The following BPI variants were observed in gnomAD, a reference collection of about 807,000 sequenced individuals.
BPI encodes bactericidal permeability increasing protein.
A neutral mutation model predicts 57.6 loss-of-function variants in BPI; 48 were observed. The observed-to-expected ratio is 0.83, with a 90% CI of 0.66 to 1.06. The LOEUF (loss-of-function observed/expected upper bound fraction) is 1.06. Ranked by LOEUF, BPI falls within the 50% of genes least tolerant of loss-of-function variation. The pLI is 0.00. For missense variants in BPI, 651 were observed against 609.7 expected, an observed-to-expected ratio of 1.07 and a Z score of -0.71; for synonymous variants, 237 against 238.2, an observed-to-expected ratio of 0.99 and a Z score of 0.05.
chr20:38,323,430 T>C (rs2076696527), intron 7 of BPI, among the ~76,000 whole-genome samples: 2 of 152,248 alleles, frequency 1.3e-5, no homozygotes, highest in Non-Finnish European at 2.9e-5. Context: ...TTTCCTCTTT[T>C]CCCATTTTGC....
Position 38,335,594 on chromosome 20 carries a change from A to C in BPI, c.1337-4A>C. The C allele has an allele frequency of 2.5e-6, 4 of 1,613,562 alleles. No individual in the cohort carries two copies. The highest frequency in any genetic ancestry group is 3.4e-6 in the Non-Finnish European group (4 of 1,179,566). On this transcript the variant is annotated splice_polypyrimidine_tract_variant and splice_region_variant and intron_variant, in intron 13 of 14. Transcript: ENST00000642449. ...CTGGTCCTCACCATCGGTCTCTGTCACAGAGAAACTACAGAAAGGCTTCCC... is the reference window on the plus strand; with the variant it reads ...CTGGTCCTCACCATCGGTCTCTGTCCCAGAGAAACTACAGAAAGGCTTCCC...
At position 38,323,856 on chromosome 20, in the gene BPI, G is replaced by T; in HGVS notation, c.757-14G>T. 6.2e-7 allele frequency: 1 copy of T among 1,612,418 alleles called. No individual in the cohort carries two copies. The highest frequency in any genetic ancestry group is 8.5e-7 in the Non-Finnish European group (1 of 1,179,154). Reference sequence around the variant, plus strand: ...GAAGAATATCTGGGCTCACTCTGTTGCCTCTACCCCCAGGGGGAGTTTTAC... The same window carrying T: ...GAAGAATATCTGGGCTCACTCTGTTTCCTCTACCCCCAGGGGGAGTTTTAC... On this transcript the variant is annotated splice_polypyrimidine_tract_variant and intron_variant, in intron 7 of 14. Transcript: ENST00000642449.
At chr20:38,314,219 GGTGATGGTA>G (rs2076638168) in intron 5 of BPI, among the ~76,000 whole-genome samples, 1 of 150,264 alleles carries the variant, frequency 6.7e-6, no homozygotes. Flanking sequence ...TGATGATGGT[GGTGATGGTA>G]ATGGTGGGGA....
chr20:38,311,379 A>G (rs2076621099), intron 4 of BPI, among the ~76,000 whole-genome samples: 1 of 152,276 alleles, frequency 6.6e-6, no homozygotes, highest in Admixed American at 6.5e-5. Flanking sequence ...AAGAATTAAG[A>G]AAAAGAGGTA....
chr20:38,331,385 T>G (rs991221699), intron 12 of BPI, among the ~76,000 whole-genome samples: 1 of 152,150 alleles, frequency 6.6e-6, no homozygotes, highest in Admixed American at 6.5e-5. Flanking sequence ...CACAATCTGG[T>G]AGAGAAAATC....
intron 1 of BPI, among the ~76,000 whole-genome samples, chr20:38,305,559 C>A (rs778754449): frequency 2.0e-5 from 3 of 152,178 alleles, no homozygotes; most frequent in Non-Finnish European, 4.4e-5. Flanking sequence ...AGATCCTGGC[C>A]ACTGCACATT....
chr20:38,323,737 G>A, intron 7 of BPI, 133 bp from the exon 8 acceptor site: 1 of 998,406 alleles, frequency 1.0e-6, no homozygotes, highest in Non-Finnish European at 1.4e-6. Context: ...TGATGCTACT[G>A]TTAGTTTCTG....
intron 5 of BPI, among the ~76,000 whole-genome samples, chr20:38,314,102 G>A (rs1600701370): frequency 6.8e-6 from 1 of 146,864 alleles, no homozygotes; most frequent in East Asian, 2.0e-4. Context: ...TGATGATGGT[G>A]GTGATGGTAA....
chr20:38,323,654 G>A (rs1461748402), intron 7 of BPI, among the ~76,000 whole-genome samples: 1 of 152,188 alleles, frequency 6.6e-6, no homozygotes, highest in Non-Finnish European at 1.5e-5. Context: ...TCTCCTATAA[G>A]ATGAGCATAA....
chr20:38,304,199 G>A lies in BPI; in HGVS notation c.-25G>A, dbSNP rs2076585776. ...TCAACCTCAAGGCCTTGAGGTTTTG[G>A]CAGCTCTGGAGGATGAGAGAGAACA... On this transcript the variant is annotated 5_prime_UTR_variant, in exon 1 of 15. Coordinates refer to ENST00000642449, the MANE Select transcript of BPI (RefSeq NM_001725.3). The A allele has an allele frequency of 4.3e-6, 7 of 1,613,978 alleles. No individual in the cohort carries two copies. The highest frequency in any genetic ancestry group is 5.9e-6 in the Non-Finnish European group (7 of 1,179,922).
chr20:38,313,722 T>C (rs1047095722), intron 5 of BPI, among the ~76,000 whole-genome samples: 7 of 151,706 alleles, frequency 4.6e-5, no homozygotes, highest in South Asian at 2.1e-4. Context: ...GGGATGATGG[T>C]GATGATGGTG....
intron 4 of BPI, 139 bp from the exon 5 acceptor site, chr20:38,311,735 G>A: frequency 4.2e-6 from 3 of 719,588 alleles, no homozygotes; most frequent in South Asian, 3.2e-5. Context: ...GATGGGGTGT[G>A]TGCAGTTAGA....
intron 5 of BPI, among the ~76,000 whole-genome samples, chr20:38,316,128 C>T (rs1363668008): frequency 1.3e-5 from 2 of 148,856 alleles, no homozygotes; most frequent in Non-Finnish European, 2.9e-5. Flanking sequence ...GCCACCACAC[C>T]CAGCTCTTCC....
At chr20:38,308,833 T>G in intron 2 of BPI, 97 bp from the exon 3 acceptor site, 1 of 1,480,604 alleles carries the variant, frequency 6.8e-7, no homozygotes, top group Non-Finnish European at 9.3e-7. Context: ...AAGGACCAGG[T>G]GGTGGGGGAC....
In BPI at chr20:38,323,945, G is replaced by T. The variant is rs772246737; in HGVS notation, c.832G>T (p.Asp278Tyr). Residue 278 changes from aspartate (D) to tyrosine (Y), a missense_variant, in exon 8 of 15, where the codon GAC (aspartate) becomes TAC (tyrosine). Physicochemically the swap from Asp to Tyr is radical, Grantham distance 160 (BLOSUM62 -3). Transcript: ENST00000642449. ...AGTGATGGAGTTTCCCGCTGCCCAT[G>T]ACCGCATGGTATACCTGGGCCTCTC... ...PPVMEFPAAH[D>Y]RMVYLGLSDY... 6 of 1,614,048 alleles carry T rather than the reference G, an allele frequency of 3.7e-6. No homozygotes were observed. The highest frequency in any genetic ancestry group is 5.1e-6 in the Non-Finnish European group (6 of 1,180,028).
intron 14 of BPI, 31 bp downstream of exon 14, chr20:38,335,705 C>T (rs1196519482): frequency 1.2e-6 from 2 of 1,601,852 alleles, no homozygotes; most frequent in African/African-American, 1.3e-5. Context: ...CACAAATCTC[C>T]CCTAACGATA....
At chr20:38,308,207 G>A (rs1186963726) in intron 2 of BPI, among the ~76,000 whole-genome samples, 4 of 152,200 alleles carry the variant, frequency 2.6e-5, no homozygotes, top group Non-Finnish European at 4.4e-5. Context: ...GACTCACTCT[G>A]ACTGGCCCAC....
chr20:38,311,059 G>A (rs1003482505), intron 4 of BPI, among the ~76,000 whole-genome samples: 1 of 152,216 alleles, frequency 6.6e-6, no homozygotes, highest in Non-Finnish European at 1.5e-5. Context: ...CTTAGCAAGA[G>A]CTAATATTGG....
At chr20:38,325,926 C>T (rs2076710574) in intron 9 of BPI, among the ~76,000 whole-genome samples, 1 of 152,122 alleles carries the variant, frequency 6.6e-6, no homozygotes, top group South Asian at 2.1e-4. Context: ...GTAACATCTG[C>T]AGAGACCTGA....
Sources: gnomAD v4.1 joint callset for allele counts (sites outside exome capture counted in the v4.1 genomes callset) on GRCh38, gnomAD v4.1.1 for gene constraint, MANE v1.5 for transcripts, NCBI Gene and HGNC (gene_info 2026-07-23, HGNC 2026-07-21) for gene names.